XYLB: variants seen among roughly 807,000 people sequenced by gnomAD.
XYLB encodes the protein xylulose kinase.
XYLB carries 62 observed loss-of-function variants against 78.7 expected under a neutral mutation model. The observed-to-expected ratio is 0.79, with a 90% CI of 0.64 to 0.97. The LOEUF is 0.97. XYLB is among the 50% of genes least tolerant of loss of function. The pLI is 0.00. For synonymous variants in XYLB, 245 were observed against 247.4 expected, an observed-to-expected ratio of 0.99 and a Z score of 0.09; for missense variants, 687 against 676.8, an observed-to-expected ratio of 1.02 and a Z score of -0.17.
chr3:38,449,214 C>T, the XYLB span, among the ~76,000 whole-genome samples: 5 of 152,200 alleles, frequency 3.3e-5, no homozygotes. Flanking sequence ...CCTCCACCTC[C>T]TGGGTTCAAG....
chr3:38,375,159 A>G lies in XYLB; in HGVS notation c.904A>G (p.Ser302Gly). The G allele has an allele frequency of 6.2e-7, 1 of 1,614,040 alleles. No homozygotes were observed. Among genetic ancestry groups the G allele is most frequent in the Non-Finnish European group, 8.5e-7 (1 of 1,179,988 alleles). The part of the protein sequence containing the change: ...EGDIAVSLGT[S>G]DTLFLWLQEP... ...CTCTCCTCAGGTCAGCCTGGGCACC[A>G]GTGACACCCTGTTTCTCTGGCTCCA... Residue 302 changes from serine (S) to glycine (G), a missense_variant, in exon 12 of 19, where the codon AGT becomes GGT. Coordinates refer to ENST00000207870, the MANE Select transcript of XYLB (RefSeq NM_005108.4).
the XYLB span, among the ~76,000 whole-genome samples, chr3:38,448,786 A>G: frequency 6.6e-6 from 1 of 152,184 alleles, no homozygotes; most frequent in African/African-American, 2.4e-5. Flanking sequence ...TAGCTCCACT[A>G]TGGAGTGACT....
intron 2 of XYLB, among the ~76,000 whole-genome samples, chr3:38,350,852 T>G (rs1294415644): frequency 6.6e-6 from 1 of 152,022 alleles, no homozygotes; most frequent in Non-Finnish European, 1.5e-5. Context: ...TTTAGAAGAA[T>G]GTTTTTAGGC....
At chr3:38,392,248 A>G (rs1349656090) in intron 15 of XYLB, among the ~76,000 whole-genome samples, 1 of 152,146 alleles carries the variant, frequency 6.6e-6, no homozygotes, top group Non-Finnish European at 1.5e-5. Flanking sequence ...ATGGGTGCAA[A>G]CTGGTATCTC....
At chr3:38,410,858 A>G (rs1319366056) in intron 18 of XYLB, among the ~76,000 whole-genome samples, 24 of 151,626 alleles carry the variant, frequency 1.6e-4, no homozygotes, top group African/African-American at 5.8e-4. Context: ...TTAGAATGGC[A>G]ATCATTAAAA....
rs781559062 is a variant in XYLB at position 38,360,401 on chromosome 3, G to A, written c.203G>A (p.Trp68Ter). 4 of 1,604,028 alleles carry A rather than the reference G, an allele frequency of 2.5e-6. No individual in the cohort carries two copies. Among genetic ancestry groups the A allele is most frequent in the Non-Finnish European group, 3.4e-6 (4 of 1,175,064 alleles). The change falls in exon 3 of 19, where the codon TGG becomes TAG. Residue 68 changes from tryptophan to a stop codon, truncating the protein, a stop_gained. Coordinates refer to ENST00000207870, the MANE Select transcript of XYLB (RefSeq NM_005108.4). LOFTEE classifies it high-confidence loss of function. Reference sequence around the variant, plus strand: ...ACGGTCACTTCTCCAGTACTAATGTGGGTCCAGGTAAGCGCAGGGATTCCT... The same window carrying A: ...ACGGTCACTTCTCCAGTACTAATGTAGGTCCAGGTAAGCGCAGGGATTCCT... Reference protein sequence around the residue: ...GLTVTSPVLMWVQALDIILEK... With the variant: ...GLTVTSPVLM
intron 16 of XYLB, among the ~76,000 whole-genome samples, chr3:38,395,980 G>A (rs1381798): frequency 0.25 from 37,868 of 152,060 alleles, 5,268 homozygotes; most frequent in East Asian, 0.44. Context: ...CCTTCATTAT[G>A]CCAGAAACAT....
At chr3:38,366,665 C>G (rs1575474348) in intron 6 of XYLB, 143 bp from the exon 7 acceptor site, 1 of 618,298 alleles carries the variant, frequency 1.6e-6, no homozygotes, top group East Asian at 2.8e-5. Context: ...GCGCACACTA[C>G]TGTGCCTGGT....
chr3:38,415,708 G>A (rs1375542323), downstream of XYLB, among the ~76,000 whole-genome samples: 3 of 152,082 alleles, frequency 2.0e-5, no homozygotes, highest in Non-Finnish European at 2.9e-5. Context: ...GCTTGAACCC[G>A]GGGGCAGAGA....
At chr3:38,427,181 A>G in the XYLB span, among the ~76,000 whole-genome samples, 1 of 152,110 alleles carries the variant, frequency 6.6e-6, no homozygotes, top group Non-Finnish European at 1.5e-5. Flanking sequence ...CCCACTTTAT[A>G]CTGTATTCCT....
At chr3:38,400,679 G>A (rs1450085295) in intron 17 of XYLB, among the ~76,000 whole-genome samples, 1 of 152,050 alleles carries the variant, frequency 6.6e-6, no homozygotes, top group African/African-American at 2.4e-5. Context: ...GTTTTGTTTT[G>A]TAATTTTATT....
At chr3:38,405,308 G>A (rs922154780) in intron 18 of XYLB, among the ~76,000 whole-genome samples, 6 of 150,922 alleles carry the variant, frequency 4.0e-5, no homozygotes, top group African/African-American at 1.2e-4. Context: ...AGGCTGAGGC[G>A]GGAGGATCAC....
At chr3:38,356,590 T>C (rs982770096) in intron 2 of XYLB, 2 of 152,224 alleles carry the variant, frequency 1.3e-5, no homozygotes, top group African/African-American at 4.8e-5. Context: ...TTAAAAAATT[T>C]TCATAGCTTT....
At chr3:38,434,976 G>A in the XYLB span, among the ~76,000 whole-genome samples, 1 of 152,010 alleles carries the variant, frequency 6.6e-6, no homozygotes, top group African/African-American at 2.4e-5. Context: ...CCATATCATA[G>A]CGAAACAAAA....
chr3:38,353,746 G>A (rs1298340804), intron 2 of XYLB, among the ~76,000 whole-genome samples: 1 of 151,968 alleles, frequency 6.6e-6, no homozygotes, highest in Non-Finnish European at 1.5e-5. Context: ...AATTAGCTGA[G>A]CATGGTGGTG....
At chr3:38,364,050 C>T (rs750986959) in intron 4 of XYLB, among the ~76,000 whole-genome samples, 1 of 152,110 alleles carries the variant, frequency 6.6e-6, no homozygotes, top group Non-Finnish European at 1.5e-5. Flanking sequence ...CACCCATCTC[C>T]CTCCTAGCTA....
Position 38,358,577 on chromosome 3 carries a change from C to T in XYLB, c.141-1762C>T, listed in dbSNP as rs199923772. ...CAGGTTGGTCTTGAACTCCCGACTT[C>T]AGGTGATCTGCCTGCCTTGGCCTCC... is the stretch of plus-strand genomic sequence containing the variant. On this transcript the variant is annotated intron_variant, in intron 2 of 18. Transcript: ENST00000207870. Among the ~76,000 whole-genome samples, 5 of 152,094 alleles carry T rather than the reference C, an allele frequency of 3.3e-5. No individual in the cohort carries two copies. The East Asian group carries it at 9.7e-4, about 30-fold the overall frequency.
downstream of XYLB, among the ~76,000 whole-genome samples, chr3:38,425,970 G>T (rs189875272): frequency 6.6e-6 from 1 of 152,288 alleles, no homozygotes; most frequent in Admixed American, 6.5e-5. Context: ...AAGGAGTATG[G>T]ATACCTGTAA....
At chr3:38,359,540 A>G (rs116565505) in intron 2 of XYLB, among the ~76,000 whole-genome samples, 1,659 of 152,290 alleles carry the variant, frequency 0.011, 36 homozygotes, top group African/African-American at 0.038. Flanking sequence ...GTCTGTTCCT[A>G]TATAAGTTAT....
Sources: gnomAD v4.1 joint callset for allele counts (sites outside exome capture counted in the v4.1 genomes callset) on GRCh38, gnomAD v4.1.1 for gene constraint, MANE v1.5 for transcripts, NCBI Gene and HGNC (gene_info 2026-07-23, HGNC 2026-07-21) for gene names.